Variants in TBCA observed in about 807,000 individuals in gnomAD.
The protein encoded by TBCA is tubulin folding cofactor A, also known as tubulin-specific chaperone A.
TBCA carries 6 observed loss-of-function variants against 15.8 expected under a neutral mutation model. The observed-to-expected ratio is 0.38, with a 90% CI of 0.21 to 0.75. TBCA has a LOEUF of 0.75. TBCA is among the 30% of genes least tolerant of loss of function. TBCA has a pLI of 0.46. For missense variants in TBCA, 90 were observed against 131.2 expected (o/e 0.69, Z 1.53); for synonymous variants, 32 against 42.3 (o/e 0.76, Z 0.94).
rs557194323 is a variant in TBCA at position 77,730,416 on chromosome 5, G to A, written c.54-22069C>T. ...TTCTTCCCTAAGCCTCTTGGAGGGA[G>A]AATGGCCCTGCTGACACCTTGACTT... On this transcript the variant is annotated intron_variant, in intron 1 of 3. Coordinates refer to ENST00000380377, the MANE Select transcript of TBCA (RefSeq NM_004607.3). 5.3e-5 allele frequency among the ~76,000 whole-genome samples: 8 copies of A among 152,340 alleles called. No homozygotes were observed. In the East Asian group the frequency reaches 1.5e-3, roughly 29 times the overall value.
chr5:77,757,705 CA>C (rs1454550748), intron 1 of TBCA, among the ~76,000 whole-genome samples: 1 of 152,162 alleles, frequency 6.6e-6, no homozygotes, highest in Non-Finnish European at 1.5e-5. Flanking sequence ...CCGTGGTTAC[CA>C]AACATGAATT....
At position 77,748,261 on chromosome 5, in the gene TBCA, TA is replaced by T. The variant is rs1747234745; in HGVS notation, c.53+27943del. ...CATCTGTGAAATAACTGTAATGTAG[TA>T]ATATGGAATGTTTCCCACAGTTCTG... is the stretch of plus-strand genomic sequence containing the variant. On this transcript the variant is annotated intron_variant, in intron 1 of 3. Coordinates refer to ENST00000380377, the MANE Select transcript of TBCA (RefSeq NM_004607.3). Among the ~76,000 whole-genome samples, 5 of 152,254 alleles carry T rather than the reference TA, an allele frequency of 3.3e-5. No individual in the cohort carries two copies. The South Asian group carries it at 1.0e-3, about 32-fold the overall frequency.
At chr5:77,718,698 A>G (rs1746462856) in intron 1 of TBCA, among the ~76,000 whole-genome samples, 1 of 152,198 alleles carries the variant, frequency 6.6e-6, no homozygotes, top group Admixed American at 6.5e-5. Flanking sequence ...AACAGTCAGC[A>G]AAACTAAGGA....
chr5:77,709,435 G>A (rs909984107), intron 1 of TBCA, among the ~76,000 whole-genome samples: 1 of 152,046 alleles, frequency 6.6e-6, no homozygotes, highest in African/African-American at 2.4e-5. Flanking sequence ...TATAGTCTAA[G>A]AAAATATTAA....
chr5:77,741,296 C>T (rs1747024536), intron 1 of TBCA, among the ~76,000 whole-genome samples: 1 of 152,044 alleles, frequency 6.6e-6, no homozygotes, highest in Non-Finnish European at 1.5e-5. Context: ...TACCTGAATG[C>T]TATTGAGAAG....
At chr5:77,717,658 C>T (rs1032625979) in intron 1 of TBCA, among the ~76,000 whole-genome samples, 5 of 150,080 alleles carry the variant, frequency 3.3e-5, no homozygotes, top group South Asian at 2.1e-4. Context: ...GGTAAAACCC[C>T]GTCTCTAGTA....
At chr5:77,772,083 T>TAA (rs1428714735) in intron 1 of TBCA, among the ~76,000 whole-genome samples, 1 of 138,828 alleles carries the variant, frequency 7.2e-6, no homozygotes, top group Non-Finnish European at 1.6e-5. Flanking sequence ...AACCATTGAT[T>TAA]AAAAAAAAAA....
At chr5:77,732,895 A>C (rs1746806546) in intron 1 of TBCA, among the ~76,000 whole-genome samples, 1 of 152,152 alleles carries the variant, frequency 6.6e-6, no homozygotes, top group Non-Finnish European at 1.5e-5. Context: ...CCTGAGACAC[A>C]ATATTAAAAT....
intron 1 of TBCA, among the ~76,000 whole-genome samples, chr5:77,709,835 T>C (rs1488511410): frequency 6.6e-6 from 1 of 151,958 alleles, no homozygotes; most frequent in Non-Finnish European, 1.5e-5. Flanking sequence ...ATAAAAAACA[T>C]AAAGTGCTGA....
At chr5:77,718,425 T>TGC (rs1344352691) in intron 1 of TBCA, among the ~76,000 whole-genome samples, 1 of 152,202 alleles carries the variant, frequency 6.6e-6, no homozygotes, top group South Asian at 2.1e-4. Context: ...ATCCACTTAC[T>TGC]ACTTGGATGC....
intron 2 of TBCA, chr5:77,705,538 C>T (rs544058466): frequency 7.5e-6 from 3 of 398,470 alleles, no homozygotes; most frequent in African/African-American, 4.1e-5. Context: ...TTCATAAAGG[C>T]GGACAAGGCC....
At chr5:77,757,523 AAAC>A (rs910162862) in intron 1 of TBCA, among the ~76,000 whole-genome samples, 19 of 152,290 alleles carry the variant, frequency 1.2e-4, no homozygotes, top group African/African-American at 4.1e-4. Flanking sequence ...CAACAACAAA[AAAC>A]AACTTTAGAT....
chr5:77,772,990 G>C (rs1284595495), intron 1 of TBCA, among the ~76,000 whole-genome samples: 1 of 152,152 alleles, frequency 6.6e-6, no homozygotes, highest in Non-Finnish European at 1.5e-5. Context: ...GGTCATATAA[G>C]TAAATGAATG....
At chr5:77,769,788 CTG>C (rs745943987) in intron 1 of TBCA, among the ~76,000 whole-genome samples, 3 of 152,018 alleles carry the variant, frequency 2.0e-5, no homozygotes, top group Non-Finnish European at 4.4e-5. Flanking sequence ...TGTTAAAAGA[CTG>C]TTAAAGTTAA....
chr5:77,755,584 T>C (rs944713799), intron 1 of TBCA, among the ~76,000 whole-genome samples: 1 of 151,382 alleles, frequency 6.6e-6, no homozygotes, highest in Non-Finnish European at 1.5e-5. Context: ...AAAAAATAAA[T>C]AAAAATTTAA....
chr5:77,741,064 G>T lies in TBCA; in HGVS notation c.54-32717C>A, dbSNP rs116348555. Among the ~76,000 whole-genome samples the T allele has an allele frequency of 3.5e-3, 530 of 152,316 alleles. 1 individual carries two copies. Among genetic ancestry groups the T allele is most frequent in the Non-Finnish European group, 6.1e-3 (418 of 68,026 alleles). ...TTTATGAAAGTGGGAAAGGACAACT[G>T]TGTCAACTGTTACTAAGAAGGCAAG... is the stretch of plus-strand genomic sequence containing the variant. On this transcript the variant is annotated intron_variant, in intron 1 of 3. Transcript: ENST00000380377.
intron 1 of TBCA, among the ~76,000 whole-genome samples, chr5:77,730,408 T>C (rs1474562437): frequency 8.4e-6 from 1 of 119,518 alleles, no homozygotes. Context: ...CTAAGCCTCT[T>C]GGAGGGAGAA....
intron 1 of TBCA, among the ~76,000 whole-genome samples, chr5:77,726,060 T>C (rs1746625641): frequency 6.6e-6 from 1 of 152,236 alleles, no homozygotes; most frequent in African/African-American, 2.4e-5. Context: ...TCAACTACTC[T>C]AATACTGTAT....
chr5:77,707,809 T>C (rs1217868741), intron 2 of TBCA, among the ~76,000 whole-genome samples: 2 of 152,132 alleles, frequency 1.3e-5, no homozygotes, highest in Non-Finnish European at 2.9e-5. Context: ...GAAAAGACAG[T>C]AGAATTTAGC....
Sources: allele counts gnomAD v4.1 joint callset (sites outside exome capture counted in the v4.1 genomes callset), GRCh38; gene constraint gnomAD v4.1.1; transcripts MANE v1.5; gene names NCBI Gene and HGNC (gene_info 2026-07-23, HGNC 2026-07-21).